Variants in BBS9 observed in about 807,000 individuals in gnomAD.
BBS9 encodes Bardet-Biedl syndrome 9, also known as protein PTHB1.
In BBS9, 89 loss-of-function variants were observed where a neutral mutation model predicts 117.7. That is an observed-to-expected ratio of 0.76 (90% CI 0.64 to 0.90). BBS9 has a LOEUF of 0.90. Among genes scored for constraint, BBS9 ranks in the 40% least tolerant of loss-of-function variants. The pLI is 0.00. For missense variants in BBS9, 982 were observed against 1,042.2 expected, an observed-to-expected ratio of 0.94 and a Z score of 0.80; for synonymous variants, 379 against 370.9, an observed-to-expected ratio of 1.02 and a Z score of -0.25.
intron 21 of BBS9, among the ~76,000 whole-genome samples, chr7:33,558,779 A>G (rs1033252468): frequency 6.6e-6 from 1 of 152,202 alleles, no homozygotes; most frequent in African/African-American, 2.4e-5. Flanking sequence ...CTCAGTTCTC[A>G]GGCATTTATC....
intron 17 of BBS9, among the ~76,000 whole-genome samples, chr7:33,376,671 G>A (rs1823957016): frequency 1.3e-5 from 2 of 152,160 alleles, no homozygotes; most frequent in Admixed American, 6.5e-5. Flanking sequence ...CAGTGTATAA[G>A]CATTCTTTCT....
chr7:33,245,251 A>G (rs902038080), intron 5 of BBS9, among the ~76,000 whole-genome samples: 18 of 138,676 alleles, frequency 1.3e-4, no homozygotes, highest in Middle Eastern at 3.8e-3. Context: ...TATATTTTTT[A>G]TATTGTCTTT....
intron 17 of BBS9, among the ~76,000 whole-genome samples, chr7:33,382,754 T>G (rs1039560304): frequency 1.3e-5 from 2 of 152,158 alleles, no homozygotes; most frequent in Admixed American, 6.5e-5. Flanking sequence ...CTGGTGCAGA[T>G]TGAGCTCCCA....
chr7:33,268,855 G>A (rs1799269380), intron 7 of BBS9, among the ~76,000 whole-genome samples: 1 of 152,172 alleles, frequency 6.6e-6, no homozygotes, highest in Non-Finnish European at 1.5e-5. Context: ...GCACACATCA[G>A]CCCGAGGTAC....
At chr7:33,185,860 A>G (rs1164758060) in intron 5 of BBS9, among the ~76,000 whole-genome samples, 2 of 152,214 alleles carry the variant, frequency 1.3e-5, no homozygotes, top group African/African-American at 2.4e-5. Context: ...AGAGGTGTGC[A>G]GTATTTTGTG....
At chr7:33,211,995 G>T (rs150524785) in intron 5 of BBS9, among the ~76,000 whole-genome samples, 2,013 of 152,184 alleles carry the variant, frequency 0.013, 49 homozygotes, top group African/African-American at 0.047. Context: ...CTGCTTTTAC[G>T]ATTTTTTCTG....
chr7:33,232,897 A>G (rs902972025), intron 5 of BBS9, among the ~76,000 whole-genome samples: 1 of 152,156 alleles, frequency 6.6e-6, no homozygotes, highest in Non-Finnish European at 1.5e-5. Flanking sequence ...GTTTTGGTGT[A>G]GGCAAATTTA....
At position 33,619,579 on chromosome 7, in the gene BBS9, C is replaced by T. The variant is rs953917792; in HGVS notation, c.2522-15598C>T. 2.0e-5 allele frequency among the ~76,000 whole-genome samples: 3 copies of T among 152,082 alleles called. No homozygotes were observed. The South Asian group carries it at 6.2e-4, about 31-fold the overall frequency. ...ATGATATTTTTGAATGCACATGGAA[C>T]ATTACCCAGGATAGATCATATGTTA... On this transcript the variant is annotated intron_variant, in intron 21 of 21. Transcript: ENST00000671952.
In BBS9 at chr7:33,216,279, G is replaced by A. The variant is rs943086508; in HGVS notation, c.442+38688G>A. ...TAAACACTGTCTTTAAAAATAGAAT[G>A]GTTCTTCCATTAGTAGCAGAAATTC... On this transcript the variant is annotated intron_variant, in intron 5 of 22. Transcript: ENST00000242067. Among the ~76,000 whole-genome samples, 4 of 152,218 alleles carry A rather than the reference G, an allele frequency of 2.6e-5. No homozygotes were observed. The Middle Eastern group carries it at 0.014, about 521-fold the overall frequency.
intron 5 of BBS9, among the ~76,000 whole-genome samples, chr7:33,225,892 C>G (rs1791168798): frequency 6.6e-6 from 1 of 152,156 alleles, no homozygotes; most frequent in Non-Finnish European, 1.5e-5. Flanking sequence ...TGCAGACCTA[C>G]AGACATTTTA....
At chr7:33,408,164 G>A (rs1452703053) in intron 19 of BBS9, among the ~76,000 whole-genome samples, 2 of 152,278 alleles carry the variant, frequency 1.3e-5, no homozygotes, top group African/African-American at 2.4e-5. Flanking sequence ...CCCCAGCCTC[G>A]CTGCCACCTT....
intron 9 of BBS9, among the ~76,000 whole-genome samples, chr7:33,321,210 G>C (rs941343861): frequency 1.3e-5 from 2 of 151,852 alleles, no homozygotes; most frequent in Non-Finnish European, 2.9e-5. Context: ...GATAGCTTTG[G>C]CTATACTGGG....
At chr7:33,497,332 A>C (rs1342048120) in intron 19 of BBS9, among the ~76,000 whole-genome samples, 3 of 152,150 alleles carry the variant, frequency 2.0e-5, no homozygotes, top group African/African-American at 4.8e-5. Flanking sequence ...ATATAGTTGC[A>C]CTATATCTTT....
intron 21 of BBS9, among the ~76,000 whole-genome samples, chr7:33,574,725 A>ACGCG (rs144503125): frequency 2.4e-5 from 3 of 125,840 alleles, no homozygotes; most frequent in East Asian, 2.2e-4. Flanking sequence ...ACACACACAC[A>ACGCG]CGCGCACACA....
chr7:33,203,254 G>T (rs1786233834), intron 5 of BBS9, among the ~76,000 whole-genome samples: 1 of 152,138 alleles, frequency 6.6e-6, no homozygotes, highest in Non-Finnish European at 1.5e-5. Flanking sequence ...CTACAATAGT[G>T]GTTCTCAAAC....
In BBS9 at chr7:33,155,778, A is replaced by G. The variant is rs1794013683; in HGVS notation, c.328+76A>G. On this transcript the variant is annotated intron_variant, in intron 4 of 22. Coordinates refer to ENST00000242067, the MANE Select transcript of BBS9 (RefSeq NM_198428.3). ...TGTTATATGAGAATAGATATTCCCT[A>G]GTGCTGACTTGGTAGAGAACACAAA... The G allele has an allele frequency of 4.8e-6, 4 of 828,338 alleles. 1 individual carries two copies. Among genetic ancestry groups the G allele is most frequent in the Non-Finnish European group, 6.0e-6 (3 of 497,534 alleles). 51.3% of individuals were successfully genotyped at this position (828,338 alleles called of 1,614,324 possible). A position where few individuals can be genotyped will look rare whatever the true frequency, so the allele number is the denominator to read the frequency against.
chr7:33,269,397 G>A (rs1799372036), intron 7 of BBS9, among the ~76,000 whole-genome samples: 1 of 152,128 alleles, frequency 6.6e-6, no homozygotes, highest in Non-Finnish European at 1.5e-5. Context: ...TGGGTCCACA[G>A]CTCTCCCATT....
intron 21 of BBS9, among the ~76,000 whole-genome samples, chr7:33,633,930 A>G (rs577893609): frequency 1.4e-4 from 21 of 152,224 alleles, no homozygotes; most frequent in African/African-American, 4.6e-4. Context: ...TCCCCTACTC[A>G]TGAAAACAGT....
intron 9 of BBS9, among the ~76,000 whole-genome samples, chr7:33,297,484 C>T (rs1306475481): frequency 6.6e-6 from 1 of 152,132 alleles, no homozygotes; most frequent in East Asian, 1.9e-4. Flanking sequence ...GAATCTAAAA[C>T]TGGTAGATGT....
Sources: allele counts gnomAD v4.1 joint callset (sites outside exome capture counted in the v4.1 genomes callset), GRCh38; gene constraint gnomAD v4.1.1; transcripts MANE v1.5; gene names NCBI Gene and HGNC (gene_info 2026-07-23, HGNC 2026-07-21).